Variants in MYT1L observed in about 807,000 individuals in gnomAD.
MYT1L encodes myelin transcription factor 1-like protein.
MYT1L carries 12 observed loss-of-function variants against 126.7 expected under a neutral mutation model. The observed-to-expected ratio is 0.09, with a 90% CI of 0.06 to 0.15. The LOEUF (loss-of-function observed/expected upper bound fraction) is 0.15, where lower values mean the gene tolerates loss of function less well. Ranked by LOEUF, MYT1L falls within the 10% of genes least tolerant of loss-of-function variation. The probability of loss-of-function intolerance (pLI) is 1.00; values close to 1 mark genes in which losing one functional copy is unlikely to be tolerated. For missense variants in MYT1L, 979 were observed against 1,585.2 expected (o/e 0.62, Z 6.49); for synonymous variants, 541 against 604.2 (o/e 0.90, Z 1.53).
intron 9 of MYT1L, among the ~76,000 whole-genome samples, chr2:1,932,046 G>A (rs945587838): frequency 6.6e-6 from 1 of 152,144 alleles, no homozygotes; most frequent in Non-Finnish European, 1.5e-5. Context: ...CCGAAAGGAA[G>A]CATGCAGGCC....
At chr2:2,256,125 C>A (rs1208778343) in intron 2 of MYT1L, among the ~76,000 whole-genome samples, 1 of 152,196 alleles carries the variant, frequency 6.6e-6, no homozygotes, top group African/African-American at 2.4e-5. Context: ...CAAAACAAGA[C>A]CCCCGGTGAA....
intron 2 of MYT1L, among the ~76,000 whole-genome samples, chr2:2,257,209 C>A (rs141859156): frequency 6.6e-6 from 1 of 152,212 alleles, no homozygotes; most frequent in Non-Finnish European, 1.5e-5. Context: ...ATTAGTAGGA[C>A]CCTCTGGATA....
At chr2:1,859,032 C>T (rs1052035285) in intron 18 of MYT1L, among the ~76,000 whole-genome samples, 1 of 152,174 alleles carries the variant, frequency 6.6e-6, no homozygotes, top group Non-Finnish European at 1.5e-5. Context: ...CCCTGACAGC[C>T]TGGGGGAGGG....
intron 3 of MYT1L, among the ~76,000 whole-genome samples, chr2:2,109,888 T>TATATAC (rs2079193025): frequency 1.4e-5 from 1 of 70,544 alleles, no homozygotes; most frequent in Non-Finnish European, 3.3e-5. Context: ...TATATATATA[T>TATATAC]ATATATATAT....
intron 4 of MYT1L, among the ~76,000 whole-genome samples, chr2:2,053,214 T>C (rs1321647496): frequency 6.6e-6 from 1 of 152,152 alleles, no homozygotes; most frequent in Non-Finnish European, 1.5e-5. Context: ...GTGGTCATAT[T>C]CACAGAGAGA....
At chr2:2,061,779 C>T (rs546765403) in intron 3 of MYT1L, among the ~76,000 whole-genome samples, 1 of 152,250 alleles carries the variant, frequency 6.6e-6, no homozygotes, top group East Asian at 1.9e-4. Context: ...TGAGCCATCA[C>T]AATGAACAAC....
At chr2:2,304,864 G>A (rs180770712) in intron 1 of MYT1L, among the ~76,000 whole-genome samples, 4 of 152,248 alleles carry the variant, frequency 2.6e-5, no homozygotes, top group East Asian at 1.9e-4. Flanking sequence ...AGGAAGAAAC[G>A]ATCACTAAGA....
intron 4 of MYT1L, among the ~76,000 whole-genome samples, chr2:2,051,795 C>G (rs930834966): frequency 6.6e-6 from 1 of 151,922 alleles, no homozygotes; most frequent in Non-Finnish European, 1.5e-5. Context: ...GAAATAAGGT[C>G]ATGGTACACG....
chr2:1,802,249 G>A (rs1188205322), intron 22 of MYT1L, among the ~76,000 whole-genome samples: 3 of 152,158 alleles, frequency 2.0e-5, no homozygotes, highest in Non-Finnish European at 2.9e-5. Context: ...TCACCAACAA[G>A]GCCAGGTCCT....
intron 2 of MYT1L, among the ~76,000 whole-genome samples, chr2:2,274,819 G>T (rs2095326984): frequency 6.6e-6 from 1 of 152,188 alleles, no homozygotes; most frequent in South Asian, 2.1e-4. Flanking sequence ...AAGTGGTGAT[G>T]AAGGCCTCCC....
At chr2:2,128,884 T>C (rs764237315) in intron 3 of MYT1L, among the ~76,000 whole-genome samples, 3 of 152,176 alleles carry the variant, frequency 2.0e-5, no homozygotes, top group Admixed American at 6.5e-5. Flanking sequence ...AGTGAGATAA[T>C]TGCCCAACAT....
chr2:2,034,356 C>G (rs2066779207), intron 4 of MYT1L, among the ~76,000 whole-genome samples: 2 of 123,450 alleles, frequency 1.6e-5, no homozygotes, highest in African/African-American at 6.5e-5. Context: ...AATCTCCACC[C>G]TCCAATGCGG....
rs566837429 is a variant in MYT1L at position 2,171,036 on chromosome 2, C to T, written c.-304+1836G>A. ...ACCTTTGGGTGACAAGCTTGTCTTA[C>T]ACCCAGAAGGGTCTGCTCACCCGGG... On this transcript the variant is annotated intron_variant, in intron 3 of 24. Transcript: ENST00000647738. 2.5e-3 allele frequency among the ~76,000 whole-genome samples: 382 copies of T among 152,262 alleles called. 3 individuals are homozygous for T. The highest frequency in any genetic ancestry group is 8.7e-3 in the African/African-American group (363 of 41,554).
chr2:2,280,925 T>C (rs1349970367), intron 2 of MYT1L, among the ~76,000 whole-genome samples: 2 of 152,194 alleles, frequency 1.3e-5, no homozygotes, highest in Non-Finnish European at 2.9e-5. Context: ...CTTGCCTCGG[T>C]GCGGCCATAG....
chr2:2,135,638 G>T (rs1053369265), intron 3 of MYT1L, among the ~76,000 whole-genome samples: 1 of 152,218 alleles, frequency 6.6e-6, no homozygotes, highest in Admixed American at 6.5e-5. Flanking sequence ...AAGAGAGGAA[G>T]AAAGGCAGAG....
chr2:1,827,721 G>A (rs994769998), intron 21 of MYT1L: 3 of 152,134 alleles, frequency 2.0e-5, no homozygotes, highest in African/African-American at 7.2e-5. Flanking sequence ...TCTGGTCTCT[G>A]GACAGGGTGG....
chr2:2,260,024 T>C (rs969471619), intron 2 of MYT1L, among the ~76,000 whole-genome samples: 5 of 152,222 alleles, frequency 3.3e-5, no homozygotes, highest in African/African-American at 7.2e-5. Flanking sequence ...GCGCTCATTT[T>C]ACACACGTCT....
intron 4 of MYT1L, among the ~76,000 whole-genome samples, chr2:2,029,910 T>C (rs572051881): frequency 6.6e-6 from 1 of 152,330 alleles, no homozygotes; most frequent in Non-Finnish European, 1.5e-5. Context: ...TTATAATTTA[T>C]ATAACTTTTT....
chr2:2,225,065 A>G (rs2093973861), intron 2 of MYT1L, among the ~76,000 whole-genome samples: 3 of 151,516 alleles, frequency 2.0e-5, no homozygotes, highest in Non-Finnish European at 4.4e-5. Context: ...CCTGTCTAAG[A>G]CATCCACCTT....
Sources: allele counts gnomAD v4.1 joint callset (sites outside exome capture counted in the v4.1 genomes callset), GRCh38; gene constraint gnomAD v4.1.1; transcripts MANE v1.5; gene names NCBI Gene and HGNC (gene_info 2026-07-23, HGNC 2026-07-21).